The following KIAA1549 variants were observed in gnomAD, a reference collection of about 807,000 sequenced individuals.
KIAA1549 encodes the protein UPF0606 protein KIAA1549.
A neutral mutation model predicts 156.4 loss-of-function variants in KIAA1549; 70 were observed. That is an observed-to-expected ratio of 0.45 (90% CI 0.37 to 0.55). KIAA1549 has a LOEUF of 0.55. Ranked by LOEUF, KIAA1549 falls within the 20% of genes least tolerant of loss-of-function variation. The pLI is 0.00. For missense variants in KIAA1549, 2,428 were observed against 2,540.9 expected (o/e 0.96, Z 0.96); for synonymous variants, 1,103 against 1,066.4 (o/e 1.03, Z -0.67).
At chr7:138,877,569 T>G (rs960802073) in intron 12 of KIAA1549, among the ~76,000 whole-genome samples, 11 of 152,340 alleles carry the variant, frequency 7.2e-5, no homozygotes, top group African/African-American at 2.6e-4. Context: ...AATAGGATAT[T>G]TAATTTTCTA....
chr7:138,861,787 C>A (rs1201830501), intron 15 of KIAA1549, among the ~76,000 whole-genome samples: 1 of 151,738 alleles, frequency 6.6e-6, no homozygotes, highest in East Asian at 1.9e-4. Context: ...GGAAGGATAG[C>A]TTGAGCCCAG....
chr7:138,870,613 G>C (rs374287460), intron 13 of KIAA1549, among the ~76,000 whole-genome samples: 2 of 152,132 alleles, frequency 1.3e-5, no homozygotes, highest in African/African-American at 4.8e-5. Context: ...TTTCTGAGGA[G>C]GGCAGCCCCT....
At chr7:138,935,348 CTGTTTTGCTT>C (rs1221719939) in intron 1 of KIAA1549, among the ~76,000 whole-genome samples, 3 of 152,172 alleles carry the variant, frequency 2.0e-5, no homozygotes, top group South Asian at 2.1e-4. Flanking sequence ...AAAAGATATT[CTGTTTTGCTT>C]TGTTTTGCTT....
In KIAA1549 at chr7:138,861,310, G is replaced by A. The variant is rs768260879; in HGVS notation, c.5076C>T (p.Asp1692=). Residue 1692 remains aspartate (D), a synonymous_variant, in exon 16 of 20, where the codon GAC becomes GAT. Coordinates refer to ENST00000422774, the MANE Select transcript of KIAA1549 (RefSeq NM_001164665.2). ...EARQTMHSLL[D]DAFALVAPSS... ...TGGGGGCCACGAGGGCAAAGGCGTC[G>A]TCCAGGAGGGAGTGCATGGTCTGGC... 70 of 1,609,342 alleles carry A rather than the reference G, an allele frequency of 4.3e-5. No individual in the cohort carries two copies. Among genetic ancestry groups the A allele is most frequent in the African/African-American group, 2.8e-4 (21 of 74,722 alleles).
chr7:138,886,606 G>A (rs1055248594), intron 10 of KIAA1549, among the ~76,000 whole-genome samples: 11 of 152,164 alleles, frequency 7.2e-5, no homozygotes, highest in African/African-American at 2.4e-4. Context: ...GAAATTCTCG[G>A]ATCAATGGGT....
chr7:138,945,313 C>T (rs1368674486), intron 1 of KIAA1549, among the ~76,000 whole-genome samples: 4 of 152,348 alleles, frequency 2.6e-5, no homozygotes, highest in African/African-American at 4.8e-5. Flanking sequence ...CATCTCATCC[C>T]GTCCTTCCAG....
intron 18 of KIAA1549, among the ~76,000 whole-genome samples, chr7:138,842,525 A>G (rs1317613633): frequency 6.6e-6 from 1 of 152,180 alleles, no homozygotes; most frequent in East Asian, 1.9e-4. Context: ...TGTCTCTTCC[A>G]AAAATACAAA....
intron 1 of KIAA1549, among the ~76,000 whole-genome samples, chr7:138,978,801 T>G (rs1466787229): frequency 3.3e-5 from 5 of 152,160 alleles, no homozygotes; most frequent in Non-Finnish European, 7.4e-5. Flanking sequence ...CCAAATCTCC[T>G]GGTGAAAATA....
chr7:138,896,184 C>T (rs1811679839), intron 9 of KIAA1549, among the ~76,000 whole-genome samples: 1 of 152,228 alleles, frequency 6.6e-6, no homozygotes, highest in Non-Finnish European at 1.5e-5. Context: ...TTTTCAAAAA[C>T]ATCTTAGTTT....
intron 1 of KIAA1549, among the ~76,000 whole-genome samples, chr7:138,943,889 A>T (rs1254768248): frequency 6.6e-6 from 1 of 151,868 alleles, no homozygotes; most frequent in Non-Finnish European, 1.5e-5. Context: ...TACCTCACAT[A>T]GCTTAGTTTT....
At position 138,837,299 on chromosome 7, in the gene KIAA1549, G is replaced by A. The variant is rs1277296911; in HGVS notation, c.*607C>T. ...GGAGCTGTAGCACCAGAAGAAGGAG[G>A]AAGAATGCGGGTGATGGCTTTGTTT... is the stretch of plus-strand genomic sequence containing the variant. On this transcript the variant is annotated 3_prime_UTR_variant, in exon 20 of 20. Coordinates refer to ENST00000422774, the MANE Select transcript of KIAA1549 (RefSeq NM_001164665.2). 8.8e-6 allele frequency: 2 copies of A among 228,460 alleles called. No individual in the cohort carries two copies. Among genetic ancestry groups the A allele is most frequent in the Non-Finnish European group, 1.7e-5 (2 of 115,196 alleles). 14.2% of individuals were successfully genotyped at this position (228,460 alleles called of 1,614,324 possible).
chr7:138,962,424 G>A (rs2130558718), intron 1 of KIAA1549, among the ~76,000 whole-genome samples: 2 of 152,232 alleles, frequency 1.3e-5, no homozygotes, highest in African/African-American at 4.8e-5. Context: ...TGCCCCTTGT[G>A]GACTAGTCTT....
At chr7:138,928,786 ATGCTATCCCTCTAATG>A (rs1222995059) in intron 1 of KIAA1549, among the ~76,000 whole-genome samples, 1 of 152,204 alleles carries the variant, frequency 6.6e-6, no homozygotes, top group African/African-American at 2.4e-5. Flanking sequence ...ACATCTCCTA[ATGCTATCCCTCTAATG>A]TAAATGACAA....
rs10500127 is a variant in KIAA1549, at chr7:138,953,680, C to A, written c.187+27403G>T. ...TGATCCATATTCCCAAGCAGAGACT[C>A]GACAAGAATTTAATTGGAAATGTTT... is the stretch of plus-strand genomic sequence containing the variant. On this transcript the variant is annotated intron_variant, in intron 1 of 19. Transcript: ENST00000422774. Among the ~76,000 whole-genome samples the A allele has an allele frequency of 9.9e-3, 1,508 of 152,188 alleles. 16 individuals carry two copies. The highest frequency in any genetic ancestry group is 0.034 in the Middle Eastern group (10 of 294).
Position 138,917,973 on chromosome 7 carries a change from G to A in KIAA1549, c.1653C>T (p.Ser551=), listed in dbSNP as rs1286883199. The A allele has an allele frequency of 6.3e-7, 1 of 1,593,250 alleles. No individual in the cohort carries two copies. Among genetic ancestry groups the A allele is most frequent in the Non-Finnish European group, 8.5e-7 (1 of 1,169,946 alleles). ...CCGAGAAAAATGCAGTGGTCACGCT[G>A]GATGGCGTCACTTGGGTTTCAGCAA... ...LSVAETQVTP[S]SVTTAFFSVI... is the part of the protein sequence containing the mutation. Residue 551 remains serine (S), a synonymous_variant, in exon 2 of 20, where the codon TCC becomes TCT. Coordinates refer to ENST00000422774, the MANE Select transcript of KIAA1549 (RefSeq NM_001164665.2).
intron 19 of KIAA1549, among the ~76,000 whole-genome samples, 151 bp from the exon 20 acceptor site, chr7:138,838,311 A>C (rs760579576): frequency 6.6e-5 from 10 of 152,190 alleles, no homozygotes; most frequent in Non-Finnish European, 1.2e-4. Context: ...GCTGCAGGTG[A>C]GGCGTGAAGA....
At chr7:138,972,788 C>G (rs921001297) in intron 1 of KIAA1549, among the ~76,000 whole-genome samples, 7 of 152,094 alleles carry the variant, frequency 4.6e-5, no homozygotes, top group Admixed American at 3.9e-4. Context: ...GTCCTTCCTT[C>G]TACTTCCTTA....
intron 1 of KIAA1549, among the ~76,000 whole-genome samples, chr7:138,937,016 C>A (rs1187711458): frequency 6.6e-6 from 1 of 152,092 alleles, no homozygotes; most frequent in Non-Finnish European, 1.5e-5. Flanking sequence ...AACTATGTCA[C>A]CCCATTCTCA....
At chr7:138,866,829 G>T (rs1810756515) in intron 15 of KIAA1549, among the ~76,000 whole-genome samples, 1 of 152,118 alleles carries the variant, frequency 6.6e-6, no homozygotes, top group African/African-American at 2.4e-5. Context: ...TAGAGACAGG[G>T]TTTTGCTCTG....
Sources: allele counts gnomAD v4.1 joint callset (sites outside exome capture counted in the v4.1 genomes callset), GRCh38; gene constraint gnomAD v4.1.1; transcripts MANE v1.5; gene names NCBI Gene and HGNC (gene_info 2026-07-23, HGNC 2026-07-21).